The following HSD17B11 variants were observed in gnomAD, a reference collection of about 807,000 sequenced individuals.
HSD17B11 encodes the protein hydroxysteroid 17-beta dehydrogenase 11, also known as estradiol 17-beta-dehydrogenase 11.
A neutral mutation model predicts 27.8 loss-of-function variants in HSD17B11; 22 were observed. The ratio of observed to expected loss-of-function variants is 0.79; its 90% CI spans 0.56 to 1.13. HSD17B11 has a LOEUF of 1.13. Ranked by LOEUF, HSD17B11 falls within the 50% of genes most tolerant of loss-of-function variation. The probability of loss-of-function intolerance (pLI) is 0.00; values close to 1 mark genes in which losing one functional copy is unlikely to be tolerated. For missense variants in HSD17B11, 314 were observed against 351.1 expected (o/e 0.89, Z 0.84); for synonymous variants, 117 against 132.8 (o/e 0.88, Z 0.82).
At chr4:87,337,434 A>G in intron 6 of HSD17B11, 68 bp from the exon 7 acceptor site, 3 of 893,170 alleles carry the variant, frequency 3.4e-6, no homozygotes, top group Non-Finnish European at 5.5e-6. Context: ...TACCCTCTTT[A>G]GAAATACTTT....
rs1735687755 is a variant in HSD17B11 at position 87,370,503 on chromosome 4, C to A, written c.557+2206G>T. Among the ~76,000 whole-genome samples, 3 of 151,898 alleles carry A rather than the reference C, an allele frequency of 2.0e-5. No homozygotes were observed. The South Asian group carries it at 6.2e-4, about 31-fold the overall frequency. ...CAATCTCAGCTCACTGCAACCTCTG[C>A]CTCCCAGGTTCAAGCGATTCCCCTG... On this transcript the variant is annotated intron_variant, in intron 4 of 6. Coordinates refer to ENST00000358290, the MANE Select transcript of HSD17B11 (RefSeq NM_016245.5).
chr4:87,377,097 G>T (rs7684816), intron 2 of HSD17B11, among the ~76,000 whole-genome samples: 8,618 of 150,094 alleles, frequency 0.057, 831 homozygotes, highest in African/African-American at 0.2. Flanking sequence ...ACCATTGCAC[G>T]CCCGCCTGGG....
At chr4:87,368,045 C>T (rs1017569832) in intron 4 of HSD17B11, among the ~76,000 whole-genome samples, 3 of 152,260 alleles carry the variant, frequency 2.0e-5, no homozygotes, top group East Asian at 3.9e-4. Context: ...CGGCTAGGCA[C>T]GGTGGCTCAT....
At chr4:87,353,733 G>T (rs374822610) in intron 5 of HSD17B11, among the ~76,000 whole-genome samples, 19 of 152,074 alleles carry the variant, frequency 1.2e-4, no homozygotes, top group Non-Finnish European at 4.4e-5. Flanking sequence ...GGCCTTGTAG[G>T]GGGGGCAAGG....
At chr4:87,357,785 A>G (rs1735413765) in intron 4 of HSD17B11, among the ~76,000 whole-genome samples, 1 of 152,034 alleles carries the variant, frequency 6.6e-6, no homozygotes, top group Non-Finnish European at 1.5e-5. Flanking sequence ...ATTTGCTGAA[A>G]ACTTTTCCTG....
intron 4 of HSD17B11, among the ~76,000 whole-genome samples, chr4:87,361,493 CAT>C (rs1735512432): frequency 6.6e-6 from 1 of 152,204 alleles, no homozygotes; most frequent in South Asian, 2.1e-4. Flanking sequence ...TTCGGCCGGG[CAT>C]GGTGGCTCAT....
chr4:87,386,898 C>T (rs1320976443), intron 1 of HSD17B11: 1 of 152,136 alleles, frequency 6.6e-6, no homozygotes, highest in Non-Finnish European at 1.5e-5. Context: ...AAAGGGTCTC[C>T]CTGTTGCGCA....
At chr4:87,374,864 T>C (rs1289112802) in intron 2 of HSD17B11, 34 bp from the exon 3 acceptor site, 1 of 1,500,572 alleles carries the variant, frequency 6.7e-7, no homozygotes, top group African/African-American at 1.4e-5. Context: ...GTAAATTCAT[T>C]AAGAGGTATG....
At chr4:87,369,967 T>C (rs1735678156) in intron 4 of HSD17B11, among the ~76,000 whole-genome samples, 1 of 152,214 alleles carries the variant, frequency 6.6e-6, no homozygotes, top group Non-Finnish European at 1.5e-5. Context: ...CCTTCCACCA[T>C]AAATCCAGTT....
chr4:87,374,882 GT>G (rs1735788893), intron 2 of HSD17B11, 52 bp from the exon 3 acceptor site: 1 of 1,334,558 alleles, frequency 7.5e-7, no homozygotes. Context: ...ATGAGGGTAA[GT>G]TTATACACAA....
rs547778444 is a variant in HSD17B11 at position 87,339,406 on chromosome 4, C to T, written c.812+1084G>A. On this transcript the variant is annotated intron_variant, in intron 6 of 6. Transcript: ENST00000358290. The stretch of plus-strand genomic sequence containing the variant: ...AATTCTCAAAATATAATCTCTGGAC[C>T]ACTGTCTGTGGCAGTTGCCTATTAA... Among the ~76,000 whole-genome samples, 311 of 152,320 alleles carry T rather than the reference C, an allele frequency of 2.0e-3. 1 individual carries two copies. The highest frequency in any genetic ancestry group is 7.1e-3 in the African/African-American group (293 of 41,560).
chr4:87,374,519 G>A, intron 3 of HSD17B11, 180 bp downstream of exon 3: 1 of 475,948 alleles, frequency 2.1e-6, no homozygotes, highest in Non-Finnish European at 3.7e-6. Flanking sequence ...AATGTTGTCA[G>A]TGAGGAAGAA....
intron 6 of HSD17B11, among the ~76,000 whole-genome samples, chr4:87,339,671 C>T (rs1480519497): frequency 1.3e-5 from 2 of 152,134 alleles, no homozygotes; most frequent in African/African-American, 2.4e-5. Context: ...AGGAATGAAG[C>T]AGTGTGTTAT....
At chr4:87,355,535 C>A (rs1735367162) in intron 5 of HSD17B11, among the ~76,000 whole-genome samples, 2 of 151,364 alleles carry the variant, frequency 1.3e-5, no homozygotes, top group African/African-American at 4.9e-5. Context: ...AAAAAAAAAA[C>A]ATATGCAACA....
At chr4:87,383,215 A>T (rs1720219419) in intron 1 of HSD17B11, among the ~76,000 whole-genome samples, 1 of 152,200 alleles carries the variant, frequency 6.6e-6, no homozygotes, top group South Asian at 2.1e-4. Flanking sequence ...GGTCAAGGCC[A>T]GAAGAAGTTC....
intron 2 of HSD17B11, among the ~76,000 whole-genome samples, chr4:87,381,917 C>T (rs905171486): frequency 3.9e-5 from 6 of 152,098 alleles, no homozygotes; most frequent in Non-Finnish European, 8.8e-5. Context: ...GCATAGTTAC[C>T]TATATGAGCA....
In HSD17B11 at chr4:87,357,533, G is replaced by C. The variant is rs1735410288; in HGVS notation, c.558-117C>G. 4 of 882,810 alleles carry C rather than the reference G, an allele frequency of 4.5e-6. No homozygotes were observed. The East Asian group carries it at 1.2e-4, about 26-fold the overall frequency. The allele number at this position is 882,810 out of a possible 1,614,324, so 54.7% of individuals were successfully genotyped here. ...GGCATTCCCTGAGTCTCAGGCCCCA[G>C]CCCAGAGCTACTGCATCAGAGCCCA... On this transcript the variant is annotated intron_variant, in intron 4 of 6. Transcript: ENST00000358290.
chr4:87,357,851 C>G, intron 4 of HSD17B11, among the ~76,000 whole-genome samples: 1 of 150,268 alleles, frequency 6.7e-6, no homozygotes, highest in East Asian at 1.9e-4. Flanking sequence ...GAGGCCTTTC[C>G]TAACCCCCAG....
intron 5 of HSD17B11, among the ~76,000 whole-genome samples, chr4:87,343,498 T>C (rs1735210294): frequency 6.6e-6 from 1 of 151,780 alleles, no homozygotes; most frequent in Non-Finnish European, 1.5e-5. Context: ...TTTGATGACC[T>C]ACTTTAACCA....
Sources: allele counts gnomAD v4.1 joint callset (sites outside exome capture counted in the v4.1 genomes callset), GRCh38; gene constraint gnomAD v4.1.1; transcripts MANE v1.5; gene names NCBI Gene and HGNC (gene_info 2026-07-23, HGNC 2026-07-21).